TRPM3: variants seen among roughly 807,000 people sequenced by gnomAD.
TRPM3 encodes long transient receptor potential channel 3.
Under a neutral mutation model 181.2 loss-of-function variants are expected in TRPM3, and 77 were observed. That is an observed-to-expected ratio of 0.42 (90% confidence interval 0.35 to 0.51). The LOEUF (loss-of-function observed/expected upper bound fraction) is 0.51, where lower values mean the gene tolerates loss of function less well. Among genes scored for constraint, TRPM3 ranks in the 20% least tolerant of loss-of-function variants. The pLI is 0.01. For synonymous variants in TRPM3, 745 were observed against 796.4 expected (o/e 0.94, Z 1.09); for missense variants, 1,759 against 2,196.7 (o/e 0.80, Z 3.98).
chr9:71,420,803 G>GAGAA (rs1410431024), intron 1 of TRPM3, among the ~76,000 whole-genome samples: 3 of 9,858 alleles, frequency 3.0e-4, no homozygotes, highest in African/African-American at 7.4e-4. Context: ...GAGAAAGAAA[G>GAGAA]AGAGAAAGAA....
At chr9:71,242,278 G>C (rs936582213) in intron 1 of TRPM3, among the ~76,000 whole-genome samples, 1 of 152,172 alleles carries the variant, frequency 6.6e-6, no homozygotes, top group Admixed American at 6.6e-5. Flanking sequence ...TTCACTGGCA[G>C]ATGACGGCAT....
intron 1 of TRPM3, among the ~76,000 whole-genome samples, chr9:71,418,928 G>A (rs377209586): frequency 2.4e-4 from 35 of 144,720 alleles, no homozygotes; most frequent in South Asian, 4.3e-4. Context: ...GTGTGTGTGT[G>A]TATATATATA....
chr9:71,137,803 A>G (rs1266837462), intron 1 of TRPM3, among the ~76,000 whole-genome samples: 1 of 152,160 alleles, frequency 6.6e-6, no homozygotes, highest in African/African-American at 2.4e-5. Flanking sequence ...AGTTGAAAAT[A>G]TATGTTAAGG....
intron 1 of TRPM3, among the ~76,000 whole-genome samples, chr9:71,247,016 G>T (rs567770382): frequency 6.6e-6 from 1 of 152,148 alleles, no homozygotes; most frequent in Admixed American, 6.6e-5. Flanking sequence ...AGCTCCAAAA[G>T]TCTAAAATTA....
At chr9:71,086,522 G>GA (rs1293097008) in intron 1 of TRPM3, among the ~76,000 whole-genome samples, 32 of 151,968 alleles carry the variant, frequency 2.1e-4, no homozygotes, top group Non-Finnish European at 3.8e-4. Flanking sequence ...CATTCATGCT[G>GA]AAAATCTAAC....
At chr9:70,899,929 G>T (rs559828265) in intron 1 of TRPM3, among the ~76,000 whole-genome samples, 8 of 152,252 alleles carry the variant, frequency 5.3e-5, no homozygotes, top group African/African-American at 1.7e-4. Context: ...TAATACTATT[G>T]CAGCATTATC....
chr9:70,535,199 CTTTTG>C lies in TRPM3; in HGVS notation c.*749_*753del. On this transcript the variant is annotated 3_prime_UTR_variant, in exon 26 of 26. Coordinates refer to ENST00000677713, the MANE Select transcript of TRPM3 (RefSeq NM_001366145.2). ...CCACTGTATATAATAAATCACTTGA[CTTTTG>C]TTTTTTTAACATCAACTCTTCTTTC... The C allele has an allele frequency of 1.8e-6, 1 of 557,282 alleles. No individual in the cohort carries two copies. The highest frequency in any genetic ancestry group is 2.9e-5 in the East Asian group (1 of 34,476). 34.5% of individuals were successfully genotyped at this position (557,282 alleles called of 1,614,324 possible). A position where few individuals can be genotyped will look rare whatever the true frequency, so the allele number is the denominator to read the frequency against.
intron 1 of TRPM3, among the ~76,000 whole-genome samples, chr9:71,422,457 G>GC (rs1246767399): frequency 1.3e-5 from 2 of 151,934 alleles, no homozygotes; most frequent in Non-Finnish European, 2.9e-5. Flanking sequence ...ACTGAGTTAG[G>GC]CCTAGTGGCA....
intron 1 of TRPM3, among the ~76,000 whole-genome samples, chr9:71,096,060 T>G (rs151033549): frequency 2.6e-5 from 4 of 152,244 alleles, no homozygotes; most frequent in African/African-American, 9.6e-5. Flanking sequence ...TTTATTCAAA[T>G]AAGATATTTT....
chr9:70,630,568 C>G (rs1375481979), intron 12 of TRPM3, among the ~76,000 whole-genome samples: 1 of 152,204 alleles, frequency 6.6e-6, no homozygotes, highest in Non-Finnish European at 1.5e-5. Flanking sequence ...GAGGAGACTT[C>G]CTTTGCTTGG....
intron 1 of TRPM3, among the ~76,000 whole-genome samples, chr9:71,368,774 C>T (rs996822328): frequency 1.3e-5 from 2 of 152,154 alleles, no homozygotes; most frequent in African/African-American, 2.4e-5. Flanking sequence ...AAAACGAAAT[C>T]TTTTTGATTC....
intron 1 of TRPM3, among the ~76,000 whole-genome samples, chr9:71,183,171 C>CA (rs966773014): frequency 2.0e-4 from 30 of 149,860 alleles, no homozygotes; most frequent in South Asian, 6.3e-4. Context: ...GACTTAATAT[C>CA]AAAAAAAAAT....
intron 1 of TRPM3, among the ~76,000 whole-genome samples, chr9:71,345,715 G>C (rs766368252): frequency 2.6e-5 from 4 of 152,144 alleles, no homozygotes; most frequent in Non-Finnish European, 5.9e-5. Flanking sequence ...TTCTGCATAT[G>C]TATCCCAGCA....
intron 6 of TRPM3, among the ~76,000 whole-genome samples, chr9:70,787,090 A>G (rs2083833678): frequency 6.6e-6 from 1 of 152,238 alleles, no homozygotes; most frequent in Admixed American, 6.5e-5. Context: ...TTTGTTTGAG[A>G]GTAATACATG....
At chr9:71,244,909 G>A (rs2081947421) in intron 1 of TRPM3, among the ~76,000 whole-genome samples, 1 of 152,182 alleles carries the variant, frequency 6.6e-6, no homozygotes, top group African/African-American at 2.4e-5. Flanking sequence ...TGATAGATTA[G>A]GGGAAGAGGG....
intron 1 of TRPM3, among the ~76,000 whole-genome samples, chr9:71,090,850 G>A (rs1032226677): frequency 5.9e-5 from 9 of 152,056 alleles, no homozygotes; most frequent in Non-Finnish European, 1.0e-4. Context: ...ATTTAGTACT[G>A]TGCCGGGCAT....
At chr9:70,800,926 T>A (rs1332135933) in intron 6 of TRPM3, among the ~76,000 whole-genome samples, 1 of 152,166 alleles carries the variant, frequency 6.6e-6, no homozygotes, top group Non-Finnish European at 1.5e-5. Flanking sequence ...AACTGAGGCA[T>A]AAAGGATAAA....
At chr9:70,803,701 C>T (rs1230021506) in intron 6 of TRPM3, among the ~76,000 whole-genome samples, 3 of 152,062 alleles carry the variant, frequency 2.0e-5, no homozygotes, top group South Asian at 2.1e-4. Flanking sequence ...CAGTCCGTCT[C>T]GGCCTCCCAA....
intron 1 of TRPM3, among the ~76,000 whole-genome samples, chr9:70,965,634 G>T (rs1162588668): frequency 6.6e-6 from 1 of 152,116 alleles, no homozygotes; most frequent in Non-Finnish European, 1.5e-5. Flanking sequence ...AGGCCTACTT[G>T]ATCGTTGTGG....
Sources: gnomAD v4.1 joint callset for allele counts (sites outside exome capture counted in the v4.1 genomes callset) on GRCh38, gnomAD v4.1.1 for gene constraint, MANE v1.5 for transcripts, NCBI Gene and HGNC (gene_info 2026-07-23, HGNC 2026-07-21) for gene names.